BCKDHB: variants seen among roughly 807,000 people sequenced by gnomAD.
BCKDHB encodes the protein 2-oxoisovalerate dehydrogenase subunit beta, mitochondrial.
In BCKDHB, 41 loss-of-function variants were observed where a neutral mutation model predicts 48.5. The ratio of observed to expected loss-of-function variants is 0.85; its 90% confidence interval spans 0.66 to 1.10. The LOEUF is 1.10. Ranked by LOEUF, BCKDHB falls within the 50% of genes least tolerant of loss-of-function variation. BCKDHB has a pLI of 0.00. For synonymous variants in BCKDHB, 201 were observed against 174.8 expected, an observed-to-expected ratio of 1.15 and a Z score of -1.18; for missense variants, 496 against 494.2, an observed-to-expected ratio of 1.00 and a Z score of -0.03.
the BCKDHB span, among the ~76,000 whole-genome samples, chr6:80,458,365 G>A: frequency 6.6e-6 from 1 of 152,186 alleles, no homozygotes; most frequent in African/African-American, 2.4e-5. Flanking sequence ...CATGACAGAG[G>A]CTGGGCATTT....
At chr6:80,360,970 C>T in the BCKDHB span, among the ~76,000 whole-genome samples, 2 of 145,226 alleles carry the variant, frequency 1.4e-5, no homozygotes, top group African/African-American at 5.1e-5. Context: ...CACCACTGCA[C>T]TCCAGCCTGG....
intron 9 of BCKDHB, among the ~76,000 whole-genome samples, chr6:80,330,798 C>G (rs1040594): frequency 0.78 from 117,920 of 152,008 alleles, 46,120 homozygotes; most frequent in Admixed American, 0.84. Context: ...GTCAGTTTTC[C>G]TTCTCATATG....
chr6:80,451,311 A>G, the BCKDHB span, among the ~76,000 whole-genome samples: 2 of 152,184 alleles, frequency 1.3e-5, no homozygotes. Flanking sequence ...TTTATAAGGA[A>G]TTTCTAATTC....
At chr6:80,290,855 G>A (rs1766873076) in intron 9 of BCKDHB, among the ~76,000 whole-genome samples, 1 of 152,186 alleles carries the variant, frequency 6.6e-6, no homozygotes, top group Non-Finnish European at 1.5e-5. Context: ...CTAAACAAGG[G>A]ATGGATTATT....
At chr6:80,117,614 T>C (rs570165080) in intron 1 of BCKDHB, among the ~76,000 whole-genome samples, 6 of 152,326 alleles carry the variant, frequency 3.9e-5, no homozygotes, top group African/African-American at 1.4e-4. Context: ...AAGGAACACC[T>C]GGCCCACCCA....
the BCKDHB span, among the ~76,000 whole-genome samples, chr6:80,410,765 G>A: frequency 2.0e-5 from 3 of 152,244 alleles, no homozygotes; most frequent in Admixed American, 1.3e-4. Context: ...GCATCATGAA[G>A]TTCTCTTGCT....
the BCKDHB span, among the ~76,000 whole-genome samples, chr6:80,403,095 G>A: frequency 3.2e-4 from 49 of 151,556 alleles, no homozygotes; most frequent in Non-Finnish European, 6.6e-4. Context: ...TGTATCTTTT[G>A]TGATTCCATA....
At chr6:80,148,383 A>G (rs1199562574) in intron 3 of BCKDHB, among the ~76,000 whole-genome samples, 1 of 152,088 alleles carries the variant, frequency 6.6e-6, no homozygotes. Context: ...TTTCTTCTGT[A>G]TGGTGACTTT....
chr6:80,232,290 T>C (rs970998775), intron 8 of BCKDHB, among the ~76,000 whole-genome samples: 1 of 151,926 alleles, frequency 6.6e-6, no homozygotes, highest in Non-Finnish European at 1.5e-5. Flanking sequence ...TTTTTTTTTT[T>C]AATCTCTACT....
rs557212831 is a variant in BCKDHB at position 80,235,864 on chromosome 6, G to T, written c.951+32652G>T. Among the ~76,000 whole-genome samples, 3 of 152,296 alleles carry T rather than the reference G, an allele frequency of 2.0e-5. No individual in the cohort carries two copies. In the East Asian group the frequency reaches 5.8e-4, roughly 29 times the overall value. ...TGACTGAGCAGTGAAACTTTGTTCA[G>T]TGAGCACCGGCACTGGGAACAACTG... On this transcript the variant is annotated intron_variant, in intron 8 of 9. Transcript: ENST00000320393.
At chr6:80,268,108 G>A (rs943017820) in intron 8 of BCKDHB, among the ~76,000 whole-genome samples, 1 of 152,016 alleles carries the variant, frequency 6.6e-6, no homozygotes, top group Non-Finnish European at 1.5e-5. Flanking sequence ...TGTGGAGGAG[G>A]TCATGCTGAT....
At chr6:80,174,703 A>G (rs984452207) in intron 6 of BCKDHB, among the ~76,000 whole-genome samples, 1 of 152,176 alleles carries the variant, frequency 6.6e-6, no homozygotes, top group African/African-American at 2.4e-5. Context: ...GTTATCTTCC[A>G]GGTCCTGGAC....
chr6:80,179,570 G>T (rs375410519), intron 6 of BCKDHB, among the ~76,000 whole-genome samples: 1 of 152,054 alleles, frequency 6.6e-6, no homozygotes, highest in Admixed American at 6.6e-5. Context: ...AGCAGCTATG[G>T]ATTTTTGTAT....
chr6:80,361,932 G>A, the BCKDHB span, among the ~76,000 whole-genome samples: 1 of 152,114 alleles, frequency 6.6e-6, no homozygotes, highest in Non-Finnish European at 1.5e-5. Flanking sequence ...AGAGAGTAAA[G>A]TCCACATTTT....
chr6:80,320,587 G>A (rs1057224439), intron 9 of BCKDHB, among the ~76,000 whole-genome samples: 2 of 152,156 alleles, frequency 1.3e-5, no homozygotes, highest in Non-Finnish European at 2.9e-5. Flanking sequence ...ACAATTCAGC[G>A]ACCGTTTCCA....
At chr6:80,352,218 A>G in the BCKDHB span, among the ~76,000 whole-genome samples, 1 of 151,518 alleles carries the variant, frequency 6.6e-6, no homozygotes, top group African/African-American at 2.4e-5. Flanking sequence ...GGCTCAAGCC[A>G]TCTGCCTGTC....
the BCKDHB span, chr6:80,443,260 T>C: frequency 1.3e-5 from 2 of 152,100 alleles, no homozygotes; most frequent in South Asian, 4.1e-4. Flanking sequence ...ATCTTCCTTA[T>C]AGAGTAGGAT....
At chr6:80,173,620 A>G (rs1012240837) in intron 6 of BCKDHB, among the ~76,000 whole-genome samples, 8 of 152,154 alleles carry the variant, frequency 5.3e-5, no homozygotes, top group Non-Finnish European at 1.2e-4. Flanking sequence ...ATTCTGATCC[A>G]TGCTCAAGTT....
At chr6:80,127,279 C>A (rs781252320) in intron 1 of BCKDHB, 2 of 408,216 alleles carry the variant, frequency 4.9e-6, no homozygotes, top group Non-Finnish European at 9.2e-6. Flanking sequence ...ATTGTCTACA[C>A]GCATTTAGTC....
Sources: allele counts gnomAD v4.1 joint callset (sites outside exome capture counted in the v4.1 genomes callset), GRCh38; gene constraint gnomAD v4.1.1; transcripts MANE v1.5; gene names NCBI Gene and HGNC (gene_info 2026-07-23, HGNC 2026-07-21).